LRP6: variants seen among roughly 807,000 people sequenced by gnomAD.
The protein encoded by LRP6 is LDL receptor related protein 6, also known as low-density lipoprotein receptor-related protein 6.
In LRP6, 43 loss-of-function variants were observed where a neutral mutation model predicts 184.1. That is an observed-to-expected ratio of 0.23 (90% CI 0.18 to 0.30). LRP6 has a LOEUF of 0.30. Ranked by LOEUF, LRP6 falls within the 10% of genes least tolerant of loss-of-function variation. LRP6 has a pLI of 1.00. For synonymous variants in LRP6, 719 were observed against 684.9 expected, an observed-to-expected ratio of 1.05 and a Z score of -0.78; for missense variants, 1,571 against 2,005.3, an observed-to-expected ratio of 0.78 and a Z score of 4.14.
intron 15 of LRP6, among the ~76,000 whole-genome samples, chr12:12,140,389 T>A (rs960163864): frequency 6.6e-6 from 1 of 151,714 alleles, no homozygotes; most frequent in Non-Finnish European, 1.5e-5. Flanking sequence ...AGATGGATAA[T>A]AGGTGAGAAA....
In LRP6 at chr12:12,119,465, G is replaced by A. The variant is rs1949563603; in HGVS notation, c.*1661C>T. On this transcript the variant is annotated 3_prime_UTR_variant, in exon 23 of 23. Coordinates refer to ENST00000261349, the MANE Select transcript of LRP6 (RefSeq NM_002336.3). Reference sequence around the variant, plus strand: ...AGTGCTACACATGTGTAAAAAGCAGGAAACGAACTTCTGGCAAGGTGGCAG... The same window carrying A: ...AGTGCTACACATGTGTAAAAAGCAGAAAACGAACTTCTGGCAAGGTGGCAG... 6.6e-6 allele frequency: 1 copy of A among 152,114 alleles called. No individual in the cohort carries two copies. Among genetic ancestry groups the A allele is most frequent in the Non-Finnish European group, 1.5e-5 (1 of 68,038 alleles). The allele number at this position is 152,114 out of a possible 1,614,324, so 9.4% of individuals were successfully genotyped here. A position where few individuals can be genotyped will look rare whatever the true frequency, so the allele number is the denominator to read the frequency against.
chr12:12,258,980 G>A (rs925399438), intron 1 of LRP6, among the ~76,000 whole-genome samples: 3 of 152,102 alleles, frequency 2.0e-5, no homozygotes, highest in Admixed American at 1.3e-4. Flanking sequence ...AAAAATGACA[G>A]CTGTGTGCAG....
At chr12:12,173,433 C>T (rs1015320010) in intron 7 of LRP6, among the ~76,000 whole-genome samples, 3 of 152,210 alleles carry the variant, frequency 2.0e-5, no homozygotes, top group East Asian at 1.9e-4. Flanking sequence ...ACCTCTGCCT[C>T]CCAGACTCAG....
Position 12,137,204 on chromosome 12 carries a change from A to AAAGG in LRP6, c.3607+1120_3607+1121insCCTT. 5.3e-5 allele frequency among the ~76,000 whole-genome samples: 8 copies of AAAGG among 152,322 alleles called. 1 individual carries two copies. The highest frequency in any genetic ancestry group is 5.2e-4 in the Admixed American group (8 of 15,298). ...CTGAGCTGAGAAGTTACAGAATTTC[A>AAAGG]ATAATTGTCTCTCTCATACTCAATT... On this transcript the variant is annotated intron_variant, in intron 16 of 22. Coordinates refer to ENST00000261349, the MANE Select transcript of LRP6 (RefSeq NM_002336.3).
chr12:12,244,303 C>T lies in LRP6; in HGVS notation c.408G>A (p.Glu136=). 1.9e-6 allele frequency: 3 copies of T among 1,614,188 alleles called. No individual in the cohort carries two copies. The highest frequency in any genetic ancestry group is 2.5e-6 in the Non-Finnish European group (3 of 1,180,040). The change falls in exon 2 of 23, where the codon GAG becomes GAA. Residue 136 remains glutamate, a synonymous_variant. Transcript: ENST00000261349. ...GSLRKVLFWQ[E]LDQPRAIALD... is the part of the protein sequence containing the mutation. Reference sequence around the variant, plus strand: ...AGGCAATAGCTCTGGGTTGATCCAACTCTTGCCAAAATAAAACTTTTCGTA... The same window carrying T: ...AGGCAATAGCTCTGGGTTGATCCAATTCTTGCCAAAATAAAACTTTTCGTA...
intron 19 of LRP6, among the ~76,000 whole-genome samples, chr12:12,129,444 G>A (rs1189371749): frequency 6.6e-6 from 1 of 152,100 alleles, no homozygotes; most frequent in African/African-American, 2.4e-5. Flanking sequence ...TTTCCCAGAG[G>A]TGCCTGTTTC....
At chr12:12,191,284 T>A (rs1863607766) in intron 3 of LRP6, among the ~76,000 whole-genome samples, 1 of 152,106 alleles carries the variant, frequency 6.6e-6, no homozygotes, top group African/African-American at 2.4e-5. Flanking sequence ...GAGAAATCAC[T>A]GGGAGCGGAC....
intron 1 of LRP6, among the ~76,000 whole-genome samples, chr12:12,255,322 T>C (rs1030283926): frequency 6.6e-6 from 1 of 151,958 alleles, no homozygotes; most frequent in Non-Finnish European, 1.5e-5. Flanking sequence ...AAAAATGCTT[T>C]CCAGTTAAAT....
At chr12:12,215,694 T>C (rs1448625136) in intron 2 of LRP6, among the ~76,000 whole-genome samples, 1 of 151,750 alleles carries the variant, frequency 6.6e-6, no homozygotes, top group Non-Finnish European at 1.5e-5. Flanking sequence ...TTTTCAGGTA[T>C]TAAAGATCAG....
At chr12:12,172,913 C>T (rs1384158287) in intron 7 of LRP6, among the ~76,000 whole-genome samples, 2 of 152,196 alleles carry the variant, frequency 1.3e-5, no homozygotes, top group East Asian at 1.9e-4. Context: ...ATATTCAAAG[C>T]CTTTTAACCT....
Position 12,120,915 on chromosome 12 carries a change from C to A in LRP6, c.*211G>T. On this transcript the variant is annotated 3_prime_UTR_variant, in exon 23 of 23. Coordinates refer to ENST00000261349, the MANE Select transcript of LRP6 (RefSeq NM_002336.3). ...ATTTTTTTTATACAAACTTTTATGG[C>A]ACAAGCAGCAAATCTGCTGTTTTAA... 2.3e-6 allele frequency: 1 copy of A among 430,226 alleles called. No homozygotes were observed. The highest frequency in any genetic ancestry group is 4.0e-6 in the Non-Finnish European group (1 of 249,166). The allele number at this position is 430,226 out of a possible 1,614,324, so 26.7% of individuals were successfully genotyped here.
At chr12:12,169,110 T>A (rs1862962961) in intron 7 of LRP6, among the ~76,000 whole-genome samples, 1 of 151,946 alleles carries the variant, frequency 6.6e-6, no homozygotes, top group African/African-American at 2.4e-5. Context: ...ACGCCTGTAA[T>A]CCCAGCTACT....
intron 2 of LRP6, among the ~76,000 whole-genome samples, chr12:12,208,438 A>C (rs1286975117): frequency 6.6e-6 from 1 of 152,204 alleles, no homozygotes; most frequent in Non-Finnish European, 1.5e-5. Context: ...TAAGAAACAT[A>C]AACTATTTCA....
At chr12:12,258,122 CTTTA>C (rs1290997281) in intron 1 of LRP6, among the ~76,000 whole-genome samples, 7 of 151,964 alleles carry the variant, frequency 4.6e-5, no homozygotes, top group African/African-American at 1.5e-4. Flanking sequence ...GCTAAGAAAT[CTTTA>C]TTTATTTATT....
intron 2 of LRP6, among the ~76,000 whole-genome samples, chr12:12,234,428 C>G (rs1028064247): frequency 4.0e-5 from 6 of 151,166 alleles, no homozygotes; most frequent in Non-Finnish European, 8.8e-5. Context: ...CCAGCCTGGG[C>G]GACAGAGTGA....
At chr12:12,195,320 G>A (rs1018629322) in intron 3 of LRP6, among the ~76,000 whole-genome samples, 2 of 152,072 alleles carry the variant, frequency 1.3e-5, no homozygotes, top group Admixed American at 1.3e-4. Context: ...CCCACCAACA[G>A]TGTATAAGAG....
chr12:12,149,824 G>T (rs1406990870), intron 13 of LRP6, among the ~76,000 whole-genome samples: 3 of 152,148 alleles, frequency 2.0e-5, no homozygotes, highest in Admixed American at 2.0e-4. Flanking sequence ...CAAAAAGAGA[G>T]GCTTTGTCCA....
At chr12:12,173,044 T>C (rs897577420) in intron 7 of LRP6, among the ~76,000 whole-genome samples, 2 of 152,236 alleles carry the variant, frequency 1.3e-5, no homozygotes, top group African/African-American at 4.8e-5. Context: ...GCATTGAATA[T>C]TAAAGATTTG....
chr12:12,135,548 C>G (rs1296693650), intron 16 of LRP6, among the ~76,000 whole-genome samples: 3 of 150,054 alleles, frequency 2.0e-5, no homozygotes, highest in African/African-American at 7.3e-5. Context: ...GGCTGGAGTA[C>G]AGTGGTGTGA....
Sources: allele counts gnomAD v4.1 joint callset (sites outside exome capture counted in the v4.1 genomes callset), GRCh38; gene constraint gnomAD v4.1.1; transcripts MANE v1.5; gene names NCBI Gene and HGNC (gene_info 2026-07-23, HGNC 2026-07-21).